Variants in DLG1 observed in about 807,000 individuals in gnomAD.
DLG1 encodes the protein discs large MAGUK scaffold protein 1, also known as disks large homolog 1.
DLG1 carries 42 observed loss-of-function variants against 123.4 expected under a neutral mutation model. The ratio of observed to expected loss-of-function variants is 0.34; its 90% CI spans 0.27 to 0.44. The LOEUF is 0.44. DLG1 is among the 20% of genes least tolerant of loss of function. DLG1 has a pLI of 1.00. For synonymous variants in DLG1, 317 were observed against 356.2 expected (o/e 0.89, Z 1.24); for missense variants, 942 against 1,082.6 (o/e 0.87, Z 1.82).
At chr3:197,245,098 T>G (rs941423897) in intron 4 of DLG1, among the ~76,000 whole-genome samples, 1 of 152,164 alleles carries the variant, frequency 6.6e-6, no homozygotes, top group South Asian at 2.1e-4. Flanking sequence ...CTAATTTGGT[T>G]AGATGGCTTT....
In DLG1 at chr3:197,110,858, T is replaced by A. The variant is rs139356396; in HGVS notation, c.1443+5069A>T. Among the ~76,000 whole-genome samples the A allele has an allele frequency of 3.7e-3, 565 of 152,324 alleles. 3 individuals are homozygous for A. The highest frequency in any genetic ancestry group is 0.013 in the African/African-American group (534 of 41,564). On this transcript the variant is annotated intron_variant, in intron 13 of 24. Coordinates refer to ENST00000667157, the MANE Select transcript of DLG1 (RefSeq NM_001366207.1). ...TTGGGGCCCACCTTTAACACTCAGATAAGCAATTAACAACTGCCTTAAATC... is the reference window on the plus strand; with the variant it reads ...TTGGGGCCCACCTTTAACACTCAGAAAAGCAATTAACAACTGCCTTAAATC...
intron 4 of DLG1, among the ~76,000 whole-genome samples, chr3:197,224,498 G>A: frequency 6.6e-6 from 1 of 151,960 alleles, no homozygotes; most frequent in Non-Finnish European, 1.5e-5. Flanking sequence ...TAACACCTAG[G>A]GGAAAAAAAT....
intron 4 of DLG1, among the ~76,000 whole-genome samples, chr3:197,251,113 C>T (rs572272702): frequency 1.2e-3 from 183 of 151,096 alleles, no homozygotes; most frequent in African/African-American, 4.2e-3. Context: ...GGGACAGGCA[C>T]GGTGGCTCAT....
chr3:197,073,119 C>T (rs74743114), intron 18 of DLG1, among the ~76,000 whole-genome samples: 15 of 152,332 alleles, frequency 9.8e-5, no homozygotes, highest in Non-Finnish European at 1.6e-4. Flanking sequence ...TCTAATACTA[C>T]ATCATCAATC....
intron 4 of DLG1, among the ~76,000 whole-genome samples, chr3:197,266,377 A>G (rs1392434400): frequency 6.6e-6 from 1 of 152,064 alleles, no homozygotes; most frequent in African/African-American, 2.4e-5. Context: ...GAGTGTGTTA[A>G]TTAGACAAAA....
chr3:197,119,977 C>T lies in DLG1; in HGVS notation c.1166-447G>A, dbSNP rs573265316. Among the ~76,000 whole-genome samples, 7 of 152,202 alleles carry T rather than the reference C, an allele frequency of 4.6e-5. No individual in the cohort carries two copies. In the East Asian group the frequency reaches 9.7e-4, roughly 21 times the overall value. ...AAAACGAAAAACAAGCAAAAACTGT[C>T]GTCCAGGCGTAGTGGCTCACGCCTG... On this transcript the variant is annotated intron_variant, in intron 11 of 24. Transcript: ENST00000667157.
chr3:197,204,945 A>G (rs944003742), intron 4 of DLG1, among the ~76,000 whole-genome samples: 2 of 152,230 alleles, frequency 1.3e-5, no homozygotes, highest in African/African-American at 4.8e-5. Flanking sequence ...GCAATCGCCA[A>G]AAGGTTAAGG....
rs561110935 is a variant in DLG1, at chr3:197,211,465, G to C, written c.319-16876C>G. On this transcript the variant is annotated intron_variant, in intron 4 of 24. Transcript: ENST00000667157. ...GCCACAATCAAGTAGGCTTCATCCC[G>C]GGATGCAAGGCTGGTTCAATACACG... Among the ~76,000 whole-genome samples the C allele has an allele frequency of 6.8e-5, 10 of 146,588 alleles. 2 individuals are homozygous for C. The South Asian group carries it at 2.6e-3, about 38-fold the overall frequency.
Position 197,243,578 on chromosome 3 carries a change from GT to G in DLG1, c.318+39100del, listed in dbSNP as rs538377106. Among the ~76,000 whole-genome samples, 3 of 152,042 alleles carry G rather than the reference GT, an allele frequency of 2.0e-5. No individual in the cohort carries two copies. In the South Asian group the frequency reaches 6.2e-4, roughly 32 times the overall value. On this transcript the variant is annotated intron_variant, in intron 4 of 24. Transcript: ENST00000667157. ...AATAGGGATGAAGGTACAACACTGG[GT>G]TCCTATCATGACACAGACTCCACCT...
At chr3:197,156,128 A>C (rs1796315875) in intron 5 of DLG1, among the ~76,000 whole-genome samples, 1 of 152,244 alleles carries the variant, frequency 6.6e-6, no homozygotes, top group Non-Finnish European at 1.5e-5. Context: ...TTTTGGGCAT[A>C]CAATATATGA....
chr3:197,067,263 A>G (rs1252186422), intron 19 of DLG1, among the ~76,000 whole-genome samples: 2 of 152,034 alleles, frequency 1.3e-5, no homozygotes, highest in South Asian at 2.1e-4. Flanking sequence ...TACTGTTACT[A>G]TTTCACTGAT....
At chr3:197,189,701 G>A (rs1483323891) in intron 5 of DLG1, among the ~76,000 whole-genome samples, 3 of 152,198 alleles carry the variant, frequency 2.0e-5, no homozygotes, top group Non-Finnish European at 4.4e-5. Flanking sequence ...AGATGGCCAG[G>A]TTTTCAGACG....
At chr3:197,057,735 G>C (rs1325124849) in intron 23 of DLG1, among the ~76,000 whole-genome samples, 1 of 151,974 alleles carries the variant, frequency 6.6e-6, no homozygotes, top group Non-Finnish European at 1.5e-5. Flanking sequence ...CCCTTTTCCT[G>C]TCAGGCTGCC....
In DLG1 at chr3:197,138,268, T is replaced by C. The variant is rs1786111811; in HGVS notation, c.837A>G (p.Pro279=). The C allele has an allele frequency of 6.2e-7, 1 of 1,604,202 alleles. No individual in the cohort carries two copies. Among genetic ancestry groups the C allele is most frequent in the South Asian group, 1.1e-5 (1 of 89,834 alleles). The change falls in exon 9 of 25, where the codon CCA becomes CCG. Residue 279 remains proline (P), a synonymous_variant. Transcript: ENST00000667157. ...IVRLYVKRRK[P]VSEKIMEIKL... ...TTATTTCCATTATTTTTTCTGACAC[T>C]GGTTTCCTTCTTTTTACATACAAGC...
At chr3:197,222,772 G>A (rs181159410) in intron 4 of DLG1, among the ~76,000 whole-genome samples, 68 of 152,312 alleles carry the variant, frequency 4.5e-4, no homozygotes, top group African/African-American at 1.6e-3. Flanking sequence ...TATACTGGGT[G>A]TTCTGCCTTC....
intron 22 of DLG1, among the ~76,000 whole-genome samples, chr3:197,062,805 T>C (rs1736749412): frequency 6.6e-6 from 1 of 152,224 alleles, no homozygotes; most frequent in African/African-American, 2.4e-5. Flanking sequence ...AACATACGTG[T>C]GTGTATACAT....
intron 5 of DLG1, among the ~76,000 whole-genome samples, chr3:197,186,457 G>A (rs553776029): frequency 7.9e-5 from 12 of 152,214 alleles, no homozygotes; most frequent in South Asian, 4.2e-4. Flanking sequence ...TCTTTTTTCC[G>A]TAATGTGTTT....
rs371197592 is a variant in DLG1 at position 197,131,795 on chromosome 3, G to A, written c.1021-1124C>T. Among the ~76,000 whole-genome samples, 499 of 150,946 alleles carry A rather than the reference G, an allele frequency of 3.3e-3. 3 individuals carry two copies. Among genetic ancestry groups the A allele is most frequent in the South Asian group, 0.021 (100 of 4,764 alleles). ...TTTTTAGTAGAGACGGGGTTTCACC[G>A]TTTTAGCCGGGATGGTCTCGATCTC... On this transcript the variant is annotated intron_variant, in intron 10 of 24. Transcript: ENST00000667157.
intron 14 of DLG1, among the ~76,000 whole-genome samples, chr3:197,094,022 GC>G (rs1048460137): frequency 6.6e-6 from 1 of 152,162 alleles, no homozygotes; most frequent in Non-Finnish European, 1.5e-5. Context: ...TTCAGTGGAA[GC>G]CAGATACCAT....
Sources: allele counts gnomAD v4.1 joint callset (sites outside exome capture counted in the v4.1 genomes callset), GRCh38; gene constraint gnomAD v4.1.1; transcripts MANE v1.5; gene names NCBI Gene and HGNC (gene_info 2026-07-23, HGNC 2026-07-21).